Variants in CTNNA3 observed in about 807,000 individuals in gnomAD.
CTNNA3 encodes catenin alpha 3, also known as catenin alpha-3.
Under a neutral mutation model 95.7 loss-of-function variants are expected in CTNNA3, and 76 were observed. The observed-to-expected ratio is 0.79, with a 90% CI of 0.66 to 0.96. The LOEUF (loss-of-function observed/expected upper bound fraction) is 0.96, where lower values mean the gene tolerates loss of function less well. CTNNA3 is among the 40% of genes least tolerant of loss of function. The pLI, the probability that CTNNA3 is intolerant of heterozygous loss-of-function variation, is 0.00. For missense variants in CTNNA3, 1,191 were observed against 1,089.8 expected (o/e 1.09, Z -1.31); for synonymous variants, 431 against 374.4 (o/e 1.15, Z -1.74).
intron 5 of CTNNA3, among the ~76,000 whole-genome samples, chr10:67,350,582 A>C (rs1355216848): frequency 6.6e-6 from 1 of 150,832 alleles, no homozygotes; most frequent in African/African-American, 2.4e-5. Context: ...AAAAAAAAAA[A>C]ATTATGTAAT....
chr10:66,756,319 T>C (rs1195293136), intron 9 of CTNNA3, among the ~76,000 whole-genome samples: 1 of 152,196 alleles, frequency 6.6e-6, no homozygotes, highest in East Asian at 1.9e-4. Context: ...GAACGCCATA[T>C]ATAATTTCAT....
intron 15 of CTNNA3, among the ~76,000 whole-genome samples, chr10:66,065,932 C>A (rs548707973): frequency 6.6e-6 from 1 of 152,024 alleles, no homozygotes; most frequent in Non-Finnish European, 1.5e-5. Context: ...GGTGCAATCT[C>A]GGCTCACCAC....
intron 7 of CTNNA3, among the ~76,000 whole-genome samples, chr10:66,949,816 C>G: frequency 6.8e-6 from 1 of 146,976 alleles, no homozygotes; most frequent in South Asian, 2.1e-4. Flanking sequence ...GGATAGCTTT[C>G]TCACATGTTT....
At chr10:67,617,487 T>G (rs561766539) in intron 2 of CTNNA3, among the ~76,000 whole-genome samples, 1 of 152,344 alleles carries the variant, frequency 6.6e-6, no homozygotes, top group South Asian at 2.1e-4. Context: ...TGCCACATTT[T>G]CTTTATCCTG....
At chr10:66,387,876 A>C (rs2092905770) in intron 11 of CTNNA3, among the ~76,000 whole-genome samples, 1 of 152,080 alleles carries the variant, frequency 6.6e-6, no homozygotes, top group African/African-American at 2.4e-5. Context: ...ATTCTCACTC[A>C]TTGGTGGGAA....
chr10:65,965,838 T>C (rs1339576916), intron 17 of CTNNA3, among the ~76,000 whole-genome samples: 1 of 152,124 alleles, frequency 6.6e-6, no homozygotes, highest in Non-Finnish European at 1.5e-5. Context: ...ACTAGTGTAA[T>C]TAAAAAAAAT....
chr10:67,298,540 C>A (rs570556102), intron 5 of CTNNA3, among the ~76,000 whole-genome samples: 1 of 152,076 alleles, frequency 6.6e-6, no homozygotes, highest in South Asian at 2.1e-4. Flanking sequence ...CCTGTTAGGC[C>A]GAATTAGCAT....
chr10:66,566,433 T>C (rs148581903), intron 10 of CTNNA3, among the ~76,000 whole-genome samples: 1 of 152,214 alleles, frequency 6.6e-6, no homozygotes, highest in Non-Finnish European at 1.5e-5. Context: ...ATGGTAAGTC[T>C]GTGCCCAGAT....
chr10:67,005,537 G>A (rs780879150), intron 7 of CTNNA3, among the ~76,000 whole-genome samples: 19 of 151,910 alleles, frequency 1.3e-4, no homozygotes, highest in Non-Finnish European at 1.9e-4. Context: ...TGTTATTGCT[G>A]AAGAAAGGAA....
intron 7 of CTNNA3, among the ~76,000 whole-genome samples, chr10:67,127,432 A>T (rs1859770014): frequency 6.6e-6 from 1 of 152,190 alleles, no homozygotes; most frequent in Non-Finnish European, 1.5e-5. Context: ...GAACATCATC[A>T]TTCCAGGATT....
chr10:65,925,765 C>A (rs1310674824), intron 17 of CTNNA3, among the ~76,000 whole-genome samples: 1 of 152,042 alleles, frequency 6.6e-6, no homozygotes, highest in Non-Finnish European at 1.5e-5. Flanking sequence ...TATTCTATTC[C>A]TTTCTACTGA....
intron 7 of CTNNA3, among the ~76,000 whole-genome samples, chr10:67,048,230 A>G (rs575144576): frequency 1.8e-4 from 27 of 152,212 alleles, no homozygotes; most frequent in Admixed American, 8.5e-4. Context: ...CTCATGAAAA[A>G]TCATTTATAT....
chr10:66,031,515 A>G (rs906555232), intron 15 of CTNNA3, among the ~76,000 whole-genome samples: 1 of 152,164 alleles, frequency 6.6e-6, no homozygotes, highest in South Asian at 2.1e-4. Context: ...CTGGGGACAC[A>G]TGGACATAAA....
At chr10:66,083,528 T>C (rs527840210) in intron 14 of CTNNA3, among the ~76,000 whole-genome samples, 1 of 152,258 alleles carries the variant, frequency 6.6e-6, no homozygotes, top group Admixed American at 6.5e-5. Flanking sequence ...TTAACTATCT[T>C]TGATCAGCTA....
At chr10:66,058,259 C>T (rs1018932660) in intron 15 of CTNNA3, among the ~76,000 whole-genome samples, 1 of 152,098 alleles carries the variant, frequency 6.6e-6, no homozygotes, top group Non-Finnish European at 1.5e-5. Flanking sequence ...AGAAGTGAGG[C>T]CAGGTGAGTT....
chr10:66,560,475 T>G (rs1184132240), intron 10 of CTNNA3, among the ~76,000 whole-genome samples: 1 of 151,994 alleles, frequency 6.6e-6, no homozygotes, highest in East Asian at 1.9e-4. Flanking sequence ...CAATGTATGG[T>G]TATTGCAGAA....
At chr10:65,955,510 T>C (rs1169450137) in intron 17 of CTNNA3, among the ~76,000 whole-genome samples, 4 of 152,210 alleles carry the variant, frequency 2.6e-5, no homozygotes, top group African/African-American at 9.7e-5. Flanking sequence ...TTCAGTATGA[T>C]ATTGGCTGAG....
chr10:67,201,316 A>G (rs980135578), intron 6 of CTNNA3, among the ~76,000 whole-genome samples: 1 of 152,184 alleles, frequency 6.6e-6, no homozygotes, highest in Non-Finnish European at 1.5e-5. Context: ...GCAGCTGCAG[A>G]GCAGATCCAT....
chr10:67,240,868 C>A (rs1195542119), intron 5 of CTNNA3, among the ~76,000 whole-genome samples: 1 of 151,964 alleles, frequency 6.6e-6, no homozygotes, highest in African/African-American at 2.4e-5. Flanking sequence ...GTGTAAAGTT[C>A]AAAAATGCAC....
Sources: gnomAD v4.1 joint callset for allele counts (sites outside exome capture counted in the v4.1 genomes callset) on GRCh38, gnomAD v4.1.1 for gene constraint, MANE v1.5 for transcripts, NCBI Gene and HGNC (gene_info 2026-07-23, HGNC 2026-07-21) for gene names.